EAPP: variants seen among roughly 807,000 people sequenced by gnomAD.
EAPP encodes E2F associated phosphoprotein.
Under a neutral mutation model 34.3 loss-of-function variants are expected in EAPP, and 38 were observed. The observed-to-expected ratio is 1.11, with a 90% CI of 0.85 to 1.45. EAPP has a LOEUF of 1.45. Among genes scored for constraint, EAPP ranks in the 40% most tolerant of loss-of-function variants. EAPP has a pLI of 0.00. For missense variants in EAPP, 338 were observed against 343.7 expected (o/e 0.98, Z 0.13); for synonymous variants, 113 against 117.6 (o/e 0.96, Z 0.25).
chr14:34,536,437 G>A (rs1001727124), intron 1 of EAPP, 162 bp from the exon 2 acceptor site: 15 of 426,370 alleles, frequency 3.5e-5, no homozygotes, highest in South Asian at 1.3e-4. Context: ...AGCCAGTTCT[G>A]CATATTTCCA....
Position 34,524,799 on chromosome 14 carries a change from C to A in EAPP, c.479G>T (p.Gly160Val). ...WVDAQRRGYHGLGPQRSRQQQ... is the reference protein window; with the variant it reads ...WVDAQRRGYHVLGPQRSRQQQ... ...TTGACGTGATCTCTGTGGTCCCAAACCATGGTAACTAGAACAGAAGAAGAA... is the reference window on the plus strand; with the variant it reads ...TTGACGTGATCTCTGTGGTCCCAAAACATGGTAACTAGAACAGAAGAAGAA... The change falls in exon 5 of 6, where the codon GGT (glycine) becomes GTT (valine). Residue 160 changes from glycine to valine, a missense_variant. Gly to Val is a moderately radical substitution (Grantham distance 109). Transcript: ENST00000250454. 5 of 1,612,300 alleles carry A rather than the reference C, an allele frequency of 3.1e-6. No homozygotes were observed. Among genetic ancestry groups the A allele is most frequent in the Non-Finnish European group, 3.4e-6 (4 of 1,179,162 alleles).
Position 34,515,946 on chromosome 14 carries a change from A to G in EAPP, c.*364T>C, listed in dbSNP as rs1879705411. The G allele has an allele frequency of 5.5e-6, 1 of 182,752 alleles. No individual in the cohort carries two copies. Among genetic ancestry groups the G allele is most frequent in the Non-Finnish European group, 1.1e-5 (1 of 87,658 alleles). 11.3% of individuals were successfully genotyped at this position (182,752 alleles called of 1,614,324 possible). A position where few individuals can be genotyped will look rare whatever the true frequency, so the allele number is the denominator to read the frequency against. ...AAAAACAATACAGACAATTCAGGAA[A>G]GAGTTTCCAGTTTAATTACATCAAA... On this transcript the variant is annotated 3_prime_UTR_variant, in exon 6 of 6. Transcript: ENST00000250454.
At chr14:34,538,934 T>C (rs755112633) in intron 1 of EAPP, among the ~76,000 whole-genome samples, 1 of 152,204 alleles carries the variant, frequency 6.6e-6, no homozygotes, top group African/African-American at 2.4e-5. Flanking sequence ...CAATATTCTC[T>C]ACAATGCTCT....
intron 4 of EAPP, among the ~76,000 whole-genome samples, chr14:34,528,275 A>C (rs1479752211): frequency 1.3e-5 from 2 of 151,916 alleles, no homozygotes; most frequent in African/African-American, 2.4e-5. Flanking sequence ...ACTTCAAGTG[A>C]TCCGCCCGCC....
At chr14:34,530,943 G>A (rs1300759123) in intron 3 of EAPP, among the ~76,000 whole-genome samples, 65 of 108,460 alleles carry the variant, frequency 6.0e-4, no homozygotes, top group South Asian at 2.4e-3. Context: ...AAGAAAGGAA[G>A]AGGAAAAAAA....
chr14:34,528,299 G>C (rs561288223), intron 4 of EAPP, among the ~76,000 whole-genome samples: 2 of 151,006 alleles, frequency 1.3e-5, no homozygotes, highest in South Asian at 4.2e-4. Context: ...GCCTCCCAAA[G>C]TGCTGGGATT....
chr14:34,533,580 A>G, intron 2 of EAPP, 41 bp from the exon 3 acceptor site: 1 of 1,373,958 alleles, frequency 7.3e-7, no homozygotes, highest in South Asian at 1.4e-5. Flanking sequence ...TAAATCATAC[A>G]TAATTCACAA....
chr14:34,529,678 G>A lies in EAPP; in HGVS notation c.353-203C>T, dbSNP rs977841249. On this transcript the variant is annotated intron_variant, in intron 3 of 5. Coordinates refer to ENST00000250454, the MANE Select transcript of EAPP (RefSeq NM_018453.4). ...GTGGATCACCTGACGTCAGGAGATC[G>A]AGACCAGCCTGGACAACATGGCGAA... Among the ~76,000 whole-genome samples, 5 of 152,142 alleles carry A rather than the reference G, an allele frequency of 3.3e-5. 1 individual carries two copies. Among genetic ancestry groups the A allele is most frequent in the Non-Finnish European group, 2.9e-5 (2 of 67,992 alleles).
chr14:34,521,713 C>T lies in EAPP; in HGVS notation c.581+2984G>A, dbSNP rs778969122. On this transcript the variant is annotated intron_variant, in intron 5 of 5. Coordinates refer to ENST00000250454, the MANE Select transcript of EAPP (RefSeq NM_018453.4). ...GCAGTGGCATGATCTCGGCTCACTG[C>T]AACCTCTGCCTCCTGGGTTCAAGCG... 7.8e-4 allele frequency among the ~76,000 whole-genome samples: 117 copies of T among 150,348 alleles called. 1 individual carries two copies. The highest frequency in any genetic ancestry group is 1.3e-3 in the Non-Finnish European group (90 of 67,806).
chr14:34,533,634 C>T lies in EAPP; in HGVS notation c.257-95G>A, dbSNP rs1371298123. 8.2e-6 allele frequency: 6 copies of T among 727,470 alleles called. 1 individual carries two copies. Among genetic ancestry groups the T allele is most frequent in the Admixed American group, 6.0e-5 (2 of 33,094 alleles). The allele number at this position is 727,470 out of a possible 1,614,324, so 45.1% of individuals were successfully genotyped here. ...TTCTTCCATCACCTCAAAACAATAT[C>T]AACTCATTCACAAACTCATTTGATG... On this transcript the variant is annotated intron_variant, in intron 2 of 5. Coordinates refer to ENST00000250454, the MANE Select transcript of EAPP (RefSeq NM_018453.4).
chr14:34,536,266 A>C lies in EAPP; in HGVS notation c.84T>G (p.Asp28Glu), dbSNP rs1382496678. Reference sequence around the variant, plus strand: ...TTCCATGTAAAAGCACATCCACTTCATCCTCAGAGCTAGCATACATTTAAA... The same window carrying C: ...TTCCATGTAAAAGCACATCCACTTCCTCCTCAGAGCTAGCATACATTTAAA... The part of the protein sequence containing the change: ...DEEPALSSSE[D>E]EVDVLLHGTP... The change falls in exon 2 of 6, where the codon GAT (aspartate) becomes GAG (glutamate). Residue 28 changes from aspartate to glutamate, a missense_variant. By Grantham distance (45) the Asp-to-Glu change is conservative. Coordinates refer to ENST00000250454, the MANE Select transcript of EAPP (RefSeq NM_018453.4). The C allele has an allele frequency of 6.2e-7, 1 of 1,606,600 alleles. No individual in the cohort carries two copies. The highest frequency in any genetic ancestry group is 1.3e-5 in the African/African-American group (1 of 74,616).
intron 3 of EAPP, among the ~76,000 whole-genome samples, chr14:34,533,214 T>C (rs574084804): frequency 6.6e-6 from 1 of 152,108 alleles, no homozygotes; most frequent in South Asian, 2.1e-4. Context: ...TTTGTATTTT[T>C]AGTACAGATG....
At chr14:34,521,763 T>C (rs1426102278) in intron 5 of EAPP, among the ~76,000 whole-genome samples, 1 of 151,546 alleles carries the variant, frequency 6.6e-6, no homozygotes, top group Non-Finnish European at 1.5e-5. Context: ...GCCTCCCGAG[T>C]AGCTGGGACT....
At chr14:34,539,360 G>C (rs1221097273) in intron 1 of EAPP, 195 bp downstream of exon 1, 1 of 705,960 alleles carries the variant, frequency 1.4e-6, no homozygotes, top group Admixed American at 2.0e-5. Flanking sequence ...TCTTCCTACA[G>C]GCGACATCGG....
intron 5 of EAPP, among the ~76,000 whole-genome samples, chr14:34,520,984 G>C (rs1468459736): frequency 1.3e-5 from 2 of 152,064 alleles, no homozygotes; most frequent in Non-Finnish European, 2.9e-5. Context: ...TATGCCTGGG[G>C]GTGGTTTTAT....
chr14:34,539,599 G>C lies in EAPP; in HGVS notation c.30C>G (p.Pro10=), dbSNP rs773929653. Residue 10 remains proline, a synonymous_variant, in exon 1 of 6, where the codon CCC becomes CCG. Transcript: ENST00000250454. MNRLPDDYD[P]YAVEEPSDEE... is the part of the protein sequence containing the mutation. ...CGTCGCTAGGCTCTTCAACCGCGTA[G>C]GGGTCGTAGTCATCCGGAAGCCGGT... 9.7e-5 allele frequency: 155 copies of C among 1,590,824 alleles called. No individual in the cohort carries two copies. The Middle Eastern group carries it at 3.7e-3, about 38-fold the overall frequency.
At chr14:34,529,267 AT>A in intron 4 of EAPP, 90 bp downstream of exon 4, 1 of 942,492 alleles carries the variant, frequency 1.1e-6, no homozygotes. Context: ...TTGTGTAAAC[AT>A]ATACACATAT....
chr14:34,516,460 C>A lies in EAPP; in HGVS notation c.708G>T (p.Arg236Ser), dbSNP rs201504462. ...RKKRRVHKKM[R>S]SNREDAAEKA... ...TCTCGGCAGCATCTTCCCGGTTAGA[C>A]CTCATCTTCTTATGGACCCGCCTTT... Residue 236 changes from arginine (R) to serine (S), a missense_variant, in exon 6 of 6, where the codon AGG becomes AGT. By Grantham distance (110) the Arg-to-Ser change is moderately radical (BLOSUM62 -1). Transcript: ENST00000250454. The A allele has an allele frequency of 4.6e-4, 736 of 1,614,028 alleles. No individual in the cohort carries two copies. The highest frequency in any genetic ancestry group is 6.0e-4 in the Non-Finnish European group (704 of 1,180,038).
Position 34,529,435 on chromosome 14 carries a change from A to G in EAPP, c.393T>C (p.Ile131=), listed in dbSNP as rs761582322. 2.5e-6 allele frequency: 4 copies of G among 1,613,034 alleles called. No individual in the cohort carries two copies. Among genetic ancestry groups the G allele is most frequent in the Non-Finnish European group, 3.4e-6 (4 of 1,179,820 alleles). Reference sequence around the variant, plus strand: ...CATACAGTAATTCGTCATTTGTTGGAATCTTGTGTTGTTTCTTCTTTTTTT... The same window carrying G: ...CATACAGTAATTCGTCATTTGTTGGGATCTTGTGTTGTTTCTTCTTTTTTT... ...TKKKKKKQHK[I]PTNDELLYDP... is the part of the protein sequence containing the mutation. The change falls in exon 4 of 6, where the codon ATT becomes ATC. Residue 131 remains isoleucine (I), a synonymous_variant. Coordinates refer to ENST00000250454, the MANE Select transcript of EAPP (RefSeq NM_018453.4).
Sources: gnomAD v4.1 joint callset for allele counts (sites outside exome capture counted in the v4.1 genomes callset) on GRCh38, gnomAD v4.1.1 for gene constraint, MANE v1.5 for transcripts, NCBI Gene and HGNC (gene_info 2026-07-23, HGNC 2026-07-21) for gene names.